The following BLM variants were observed in gnomAD, a reference collection of about 807,000 sequenced individuals.
The protein encoded by BLM is recQ-like DNA helicase BLM.
In BLM, 95 loss-of-function variants were observed where a neutral mutation model predicts 135.3. The ratio of observed to expected loss-of-function variants is 0.70; its 90% confidence interval spans 0.59 to 0.83. The LOEUF (loss-of-function observed/expected upper bound fraction) is 0.83. BLM is among the 40% of genes least tolerant of loss of function. The pLI is 0.00. For missense variants in BLM, 1,518 were observed against 1,663.9 expected, an observed-to-expected ratio of 0.91 and a Z score of 1.53; for synonymous variants, 520 against 589.2, an observed-to-expected ratio of 0.88 and a Z score of 1.70.
At chr15:90,798,094 G>T in intron 16 of BLM, 96 bp from the exon 17 acceptor site, 1 of 1,116,038 alleles carries the variant, frequency 9.0e-7, no homozygotes, top group Non-Finnish European at 1.3e-6. Context: ...GTCTGGAAAT[G>T]GGTTATGATG....
intron 13 of BLM, 53 bp downstream of exon 13, chr15:90,782,981 A>C: frequency 7.3e-7 from 1 of 1,361,948 alleles, no homozygotes; most frequent in South Asian, 1.2e-5. Flanking sequence ...TCTTTTTAGT[A>C]CCACAATAAG....
At chr15:90,747,702 A>G in intron 2 of BLM, 1 of 491,486 alleles carries the variant, frequency 2.0e-6, no homozygotes, top group East Asian at 3.2e-5. Flanking sequence ...CTGGCACATA[A>G]TATTTGCTCA....
intron 12 of BLM, among the ~76,000 whole-genome samples, chr15:90,776,188 T>G (rs969604527): frequency 6.6e-6 from 1 of 152,206 alleles, no homozygotes; most frequent in African/African-American, 2.4e-5. Flanking sequence ...TCATCAAAAA[T>G]TATTTTTAAT....
At chr15:90,731,603 T>A (rs1374864969) in intron 1 of BLM, among the ~76,000 whole-genome samples, 1 of 152,170 alleles carries the variant, frequency 6.6e-6, no homozygotes, top group Non-Finnish European at 1.5e-5. Flanking sequence ...TTTGATAAGT[T>A]AATTTTTAAG....
At chr15:90,723,663 T>A (rs887901418) in intron 1 of BLM, among the ~76,000 whole-genome samples, 3 of 151,922 alleles carry the variant, frequency 2.0e-5, no homozygotes, top group Admixed American at 6.6e-5. Context: ...TAAAAAAAAA[T>A]TTTTTTAAAT....
At chr15:90,789,730 C>T (rs1174814530) in intron 14 of BLM, among the ~76,000 whole-genome samples, 7 of 152,052 alleles carry the variant, frequency 4.6e-5, no homozygotes, top group Admixed American at 4.6e-4. Flanking sequence ...GTCTGCCTGC[C>T]AGATATTTCA....
chr15:90,793,618 ATAGGAATG>A (rs1896958632), intron 15 of BLM, among the ~76,000 whole-genome samples: 1 of 152,238 alleles, frequency 6.6e-6, no homozygotes, highest in African/African-American at 2.4e-5. Flanking sequence ...GATATTGCTA[ATAGGAATG>A]TAGCACAATC....
chr15:90,794,122 T>G, intron 15 of BLM, 45 bp from the exon 16 acceptor site: 1 of 1,417,252 alleles, frequency 7.1e-7, no homozygotes, highest in Non-Finnish European at 9.8e-7. Context: ...TATGCTCTAT[T>G]TTTCCCCTAT....
chr15:90,745,198 C>T lies in BLM; in HGVS notation c.-4-2191C>T, dbSNP rs185471461. ...GTTAAGTCATAAGGACTGAAGAGCC[C>T]GCCTGAAAAGACTCCCACTGGCCAA... is the stretch of plus-strand genomic sequence containing the variant. On this transcript the variant is annotated intron_variant, in intron 1 of 21. Coordinates refer to ENST00000355112, the MANE Select transcript of BLM (RefSeq NM_000057.4). 3.9e-5 allele frequency among the ~76,000 whole-genome samples: 6 copies of T among 151,990 alleles called. No individual in the cohort carries two copies. The East Asian group carries it at 7.7e-4, about 20-fold the overall frequency.
At chr15:90,811,823 A>G (rs28385161) in intron 21 of BLM, among the ~76,000 whole-genome samples, 19 of 151,842 alleles carry the variant, frequency 1.3e-4, no homozygotes, top group Admixed American at 1.2e-3. Context: ...ACTCCTGGCT[A>G]ATTTTTGTAT....
In BLM at chr15:90,788,475, T is replaced by TG. The variant is rs200395400; in HGVS notation, c.2824-2174_2824-2173insG. Reference sequence around the variant, plus strand: ...TAACCCAAATGCCAGTGTTTTGTTTTTTTTTTTTTTTTTTTTTTTGGTTTT... The same window carrying TG: ...TAACCCAAATGCCAGTGTTTTGTTTTGTTTTTTTTTTTTTTTTTTTGGTTTT... On this transcript the variant is annotated intron_variant, in intron 14 of 21. Transcript: ENST00000355112. 3.3e-3 allele frequency among the ~76,000 whole-genome samples: 332 copies of TG among 101,940 alleles called. 2 individuals are homozygous for TG. The highest frequency in any genetic ancestry group is 0.021 in the East Asian group (92 of 4,376). 66.9% of individuals were successfully genotyped at this position (101,940 alleles called of 152,430 possible).
chr15:90,807,441 G>A (rs1393427490), intron 19 of BLM, among the ~76,000 whole-genome samples: 1 of 151,968 alleles, frequency 6.6e-6, no homozygotes, highest in Non-Finnish European at 1.5e-5. Flanking sequence ...TTATTCTGTC[G>A]CCCAGGCTGG....
chr15:90,809,776 TCCCGG>T (rs1470501647), intron 20 of BLM, among the ~76,000 whole-genome samples: 7 of 152,222 alleles, frequency 4.6e-5, no homozygotes, highest in African/African-American at 1.7e-4. Flanking sequence ...TATCAGACGT[TCCCGG>T]AGTCACGTTA....
At chr15:90,798,529 A>G (rs1897087888) in intron 17 of BLM, among the ~76,000 whole-genome samples, 192 bp downstream of exon 17, 1 of 152,234 alleles carries the variant, frequency 6.6e-6, no homozygotes, top group African/African-American at 2.4e-5. Flanking sequence ...CTAAGTTGAG[A>G]TGGTTTCACA....
intron 14 of BLM, among the ~76,000 whole-genome samples, chr15:90,787,036 CTTTTTTTTTTTTTTTTTTTTTT>C (rs11366266): frequency 1.7e-5 from 1 of 57,962 alleles, no homozygotes; most frequent in Non-Finnish European, 3.0e-5. Context: ...TTAGGCATCT[CTTTTTTTTTTTTTTTTTTTTTT>C]TTTTTTTTGA....
chr15:90,720,092 G>A (rs1488703461), intron 1 of BLM, among the ~76,000 whole-genome samples: 2 of 152,206 alleles, frequency 1.3e-5, no homozygotes, highest in East Asian at 1.9e-4. Context: ...AATCTGGGAA[G>A]CCATAGTCTT....
intron 4 of BLM, 30 bp downstream of exon 4, chr15:90,751,976 T>C: frequency 6.4e-7 from 1 of 1,559,430 alleles, no homozygotes; most frequent in South Asian, 1.1e-5. Context: ...AGCATTATTA[T>C]TTGTTTCTGG....
chr15:90,788,006 G>C (rs1421695526), intron 14 of BLM, among the ~76,000 whole-genome samples: 1 of 151,454 alleles, frequency 6.6e-6, no homozygotes, highest in Non-Finnish European at 1.5e-5. Context: ...ACAAAACTAA[G>C]AGCAGAATTA....
At chr15:90,782,673 CT>C in intron 12 of BLM, 148 bp from the exon 13 acceptor site, 2 of 643,066 alleles carry the variant, frequency 3.1e-6, no homozygotes, top group East Asian at 2.8e-5. Context: ...AACTCCACCC[CT>C]CATGACCTAA....
Sources: gnomAD v4.1 joint callset for allele counts (sites outside exome capture counted in the v4.1 genomes callset) on GRCh38, gnomAD v4.1.1 for gene constraint, MANE v1.5 for transcripts, NCBI Gene and HGNC (gene_info 2026-07-23, HGNC 2026-07-21) for gene names.